Variants in MIB1 observed in about 807,000 individuals in gnomAD.
MIB1 encodes the protein MIB E3 ubiquitin protein ligase 1, also known as E3 ubiquitin-protein ligase MIB1.
In MIB1, 278 loss-of-function variants were observed where a neutral mutation model predicts 124.5. That is an observed-to-expected ratio of 2.23 (90% confidence interval 2.02 to 2.47). The LOEUF (loss-of-function observed/expected upper bound fraction) is 2.47, where lower values mean the gene tolerates loss of function less well. MIB1 is among the 30% of genes most tolerant of loss of function. The pLI is 0.00. For synonymous variants in MIB1, 446 were observed against 429.4 expected, an observed-to-expected ratio of 1.04 and a Z score of -0.48; for missense variants, 957 against 1,254.4, an observed-to-expected ratio of 0.76 and a Z score of 3.58.
intron 1 of MIB1, among the ~76,000 whole-genome samples, chr18:21,732,383 CACACACACACAG>C (rs2040775737): frequency 2.0e-5 from 3 of 151,078 alleles, no homozygotes; most frequent in African/African-American, 7.3e-5. Context: ...CACACACACA[CACACACACACAG>C]AGCAAGAGAG....
Position 21,867,982 on chromosome 18 carries a change from C to T in MIB1, c.*3316C>T, listed in dbSNP as rs2042331937. ...GAAAAAAAGAGGATCATACAGATGT[C>T]ATCAAATTATAGGCTTTAATACAGG... is the stretch of plus-strand genomic sequence containing the variant. On this transcript the variant is annotated 3_prime_UTR_variant, in exon 21 of 21. Coordinates refer to ENST00000261537, the MANE Select transcript of MIB1 (RefSeq NM_020774.4). 6.6e-6 allele frequency: 1 copy of T among 151,898 alleles called. No homozygotes were observed. The highest frequency in any genetic ancestry group is 6.6e-5 in the Admixed American group (1 of 15,242). The allele number at this position is 151,898 out of a possible 1,614,324, so 9.4% of individuals were successfully genotyped here.
intron 1 of MIB1, among the ~76,000 whole-genome samples, chr18:21,729,058 C>T (rs557258079): frequency 8.1e-4 from 123 of 152,290 alleles, no homozygotes; most frequent in Non-Finnish European, 1.2e-3. Context: ...CCAATCATTT[C>T]AACTGCATCT....
intron 1 of MIB1, among the ~76,000 whole-genome samples, chr18:21,762,188 A>G (rs942084822): frequency 6.6e-6 from 1 of 152,224 alleles, no homozygotes; most frequent in Non-Finnish European, 1.5e-5. Context: ...AGGGAAATAT[A>G]AATGGATACA....
intron 12 of MIB1, among the ~76,000 whole-genome samples, chr18:21,820,583 T>A (rs1430338578): frequency 6.6e-6 from 1 of 152,210 alleles, no homozygotes; most frequent in African/African-American, 2.4e-5. Flanking sequence ...CATCTTGATT[T>A]TTTTTCCAAA....
chr18:21,773,505 G>C, intron 3 of MIB1, 119 bp from the exon 4 acceptor site: 1 of 648,370 alleles, frequency 1.5e-6, no homozygotes. Flanking sequence ...TATTTTTCAT[G>C]ATCCTGTTAC....
chr18:21,753,507 A>G (rs989179586), intron 1 of MIB1, among the ~76,000 whole-genome samples: 7 of 152,000 alleles, frequency 4.6e-5, no homozygotes, highest in African/African-American at 1.5e-4. Flanking sequence ...TTTTTTTGTT[A>G]AATGAGATGA....
At chr18:21,836,208 C>T (rs944939764) in intron 12 of MIB1, among the ~76,000 whole-genome samples, 7 of 151,330 alleles carry the variant, frequency 4.6e-5, no homozygotes, top group African/African-American at 7.3e-5. Context: ...GAACTCTGAT[C>T]GTGCCACTAA....
intron 1 of MIB1, among the ~76,000 whole-genome samples, chr18:21,744,219 G>T (rs899417897): frequency 6.8e-6 from 1 of 147,854 alleles, no homozygotes; most frequent in Admixed American, 6.9e-5. Flanking sequence ...TTAATAATCA[G>T]TGTTCACTGA....
At chr18:21,838,849 T>C (rs1204590216) in intron 13 of MIB1, among the ~76,000 whole-genome samples, 21 of 152,358 alleles carry the variant, frequency 1.4e-4, no homozygotes, top group Non-Finnish European at 1.5e-5. Context: ...TCTGTGTTGA[T>C]ACTTAAACAG....
chr18:21,738,429 A>C (rs2040805060), upstream of MIB1, among the ~76,000 whole-genome samples: 1 of 152,194 alleles, frequency 6.6e-6, no homozygotes, highest in African/African-American at 2.4e-5. Context: ...CATTTAAAGC[A>C]GTGTGTAGAG....
Position 21,721,161 on chromosome 18 carries a change from T to TTG in MIB1, n.167+16039_167+16040insGT, listed in dbSNP as rs1257770628. Among the ~76,000 whole-genome samples, 72 of 70,236 alleles carry TTG rather than the reference T, an allele frequency of 1.0e-3. 7 individuals carry two copies. The highest frequency in any genetic ancestry group is 1.3e-3 in the African/African-American group (12 of 9,114). 46.1% of individuals were successfully genotyped at this position (70,236 alleles called of 152,430 possible). A position where few individuals can be genotyped will look rare whatever the true frequency, so the allele number is the denominator to read the frequency against. ...AAAGATTTAAACATTTTAAAGAAGT[T>TTG]TTTTTTTTTTTTTTTTTTTTTTTTT... On this transcript the variant is annotated intron_variant and non_coding_transcript_variant, in intron 1 of 20. Transcript: ENST00000578646.
At chr18:21,732,803 A>G (rs1456892838) in intron 1 of MIB1, among the ~76,000 whole-genome samples, 3 of 152,164 alleles carry the variant, frequency 2.0e-5, no homozygotes, top group Non-Finnish European at 2.9e-5. Flanking sequence ...TCCCTTCAAA[A>G]CGCTCACAAA....
At chr18:21,817,808 C>G (rs1297858046) in intron 11 of MIB1, 4 of 282,054 alleles carry the variant, frequency 1.4e-5, no homozygotes, top group Non-Finnish European at 2.9e-5. Context: ...ACTGGGGAGA[C>G]AAACCATGCA....
intron 17 of MIB1, among the ~76,000 whole-genome samples, chr18:21,849,788 G>A (rs1011601493): frequency 6.6e-6 from 1 of 152,008 alleles, no homozygotes; most frequent in Admixed American, 6.6e-5. Flanking sequence ...CTTATATGTT[G>A]CACTTTTTTT....
At chr18:21,719,786 C>T (rs753902343) in intron 1 of MIB1, among the ~76,000 whole-genome samples, 1 of 151,886 alleles carries the variant, frequency 6.6e-6, no homozygotes, top group South Asian at 2.1e-4. Context: ...AAACTCACTC[C>T]TATTTACACA....
chr18:21,844,168 A>G lies in MIB1; in HGVS notation c.2126A>G (p.His709Arg), dbSNP rs2042115682. The G allele has an allele frequency of 1.2e-6, 2 of 1,614,052 alleles. No homozygotes were observed. Among genetic ancestry groups the G allele is most frequent in the African/African-American group, 1.3e-5 (1 of 74,926 alleles). ...GDTPLHEALR[H>R]HTLSQLRQLQ... is the part of the protein sequence containing the mutation. ...ACTCCTTTGCATGAAGCTCTAAGGCATCACACTTTGTCTCAGCTACGTCAG... is the reference window on the plus strand; with the variant it reads ...ACTCCTTTGCATGAAGCTCTAAGGCGTCACACTTTGTCTCAGCTACGTCAG... Residue 709 changes from histidine (H) to arginine (R), a missense_variant, in exon 15 of 21, where the codon CAT becomes CGT. Physicochemically the swap from His to Arg is conservative, Grantham distance 29. Coordinates refer to ENST00000261537, the MANE Select transcript of MIB1 (RefSeq NM_020774.4).
In MIB1 at chr18:21,798,231, A is replaced by G. The variant is rs761603030; in HGVS notation, c.1237+3A>G. On this transcript the variant is annotated splice_donor_region_variant and intron_variant, in intron 8 of 20. Coordinates refer to ENST00000261537, the MANE Select transcript of MIB1 (RefSeq NM_020774.4). ...AGCCATTAGCAATGCATCTGGTGGT[A>G]TGTTTTATATTGTGTTTCTTTAAGA... 1.9e-6 allele frequency: 3 copies of G among 1,612,356 alleles called. No individual in the cohort carries two copies. The highest frequency in any genetic ancestry group is 3.3e-5 in the Admixed American group (2 of 59,882).
At chr18:21,777,848 G>T (rs557806840) in intron 4 of MIB1, among the ~76,000 whole-genome samples, 1 of 152,188 alleles carries the variant, frequency 6.6e-6, no homozygotes, top group Non-Finnish European at 1.5e-5. Context: ...GTGAGCCAAC[G>T]TGTACAGCCA....
upstream of MIB1, among the ~76,000 whole-genome samples, chr18:21,736,856 A>G (rs1019541956): frequency 6.6e-6 from 1 of 152,222 alleles, no homozygotes; most frequent in African/African-American, 2.4e-5. Flanking sequence ...TCCAAGAAAT[A>G]TGGGACTATG....
Sources: gnomAD v4.1 joint callset for allele counts (sites outside exome capture counted in the v4.1 genomes callset) on GRCh38, gnomAD v4.1.1 for gene constraint, MANE v1.5 for transcripts, NCBI Gene and HGNC (gene_info 2026-07-23, HGNC 2026-07-21) for gene names.